The following ANKRD22 variants were observed in gnomAD, a reference collection of about 807,000 sequenced individuals.
The protein encoded by ANKRD22 is ankyrin repeat domain 22, also known as ankyrin repeat domain-containing protein 22.
ANKRD22 carries 24 observed loss-of-function variants against 25.7 expected under a neutral mutation model. The ratio of observed to expected loss-of-function variants is 0.93; its 90% CI spans 0.68 to 1.31. ANKRD22 has a LOEUF of 1.31. ANKRD22 is among the 50% of genes most tolerant of loss of function. The pLI is 0.00. For synonymous variants in ANKRD22, 84 were observed against 84.3 expected, an observed-to-expected ratio of 1.00 and a Z score of 0.02; for missense variants, 214 against 227.1, an observed-to-expected ratio of 0.94 and a Z score of 0.37.
Position 88,820,385 on chromosome 10 carries a change from C to G in ANKRD22, c.*2556G>C, listed in dbSNP as rs775579873. 1 of 1,552,292 alleles carries G rather than the reference C, an allele frequency of 6.4e-7. No individual in the cohort carries two copies. The highest frequency in any genetic ancestry group is 1.2e-5 in the South Asian group (1 of 84,062). ...CCATAAGAATATTCCTGAATGGGCTCACGTGGATTTCATCTGGGGTTTGGA... is the reference window on the plus strand; with the variant it reads ...CCATAAGAATATTCCTGAATGGGCTGACGTGGATTTCATCTGGGGTTTGGA... On this transcript the variant is annotated 3_prime_UTR_variant, in exon 6 of 6. Transcript: ENST00000371930.
chr10:88,845,427 G>A (rs1004666953), intron 1 of ANKRD22, among the ~76,000 whole-genome samples: 8 of 151,874 alleles, frequency 5.3e-5, no homozygotes, highest in East Asian at 1.9e-4. Flanking sequence ...TCTCTTGCCC[G>A]AGCCTCTCCT....
In ANKRD22 at chr10:88,822,991, G is replaced by A. The variant is rs1042891386; in HGVS notation, c.526C>T (p.Arg176Trp). Residue 176 changes from arginine to tryptophan, a missense_variant, in exon 6 of 6, where the codon CGG (arginine) becomes TGG (tryptophan). Physicochemically the swap from Arg to Trp is moderately radical, Grantham distance 101. Transcript: ENST00000371930. ...TCAATCTGGGAAAATTTTAATCTCCGTGCAATATCCAGTGAGCTCTCACCA... is the reference window on the plus strand; with the variant it reads ...TCAATCTGGGAAAATTTTAATCTCCATGCAATATCCAGTGAGCTCTCACCA... Reference protein sequence around the residue: ...KHGESSLDIARRLKFSQIELM... With the variant: ...KHGESSLDIAWRLKFSQIELM... 8 of 1,613,294 alleles carry A rather than the reference G, an allele frequency of 5.0e-6. No homozygotes were observed. Among genetic ancestry groups the A allele is most frequent in the East Asian group, 2.2e-5 (1 of 44,874 alleles).
At position 88,822,901 on chromosome 10, in the gene ANKRD22, G is replaced by A. The variant is rs1036657018; in HGVS notation, c.*40C>T. 2 of 1,555,710 alleles carry A rather than the reference G, an allele frequency of 1.3e-6. No homozygotes were observed. Among genetic ancestry groups the A allele is most frequent in the East Asian group, 2.2e-5 (1 of 44,572 alleles). On this transcript the variant is annotated 3_prime_UTR_variant, in exon 6 of 6. Transcript: ENST00000371930. ...TCTAAAATGAAGATAGAATCCAGTCGTTAACTTTTTCTGTATCTCCATCGG... is the reference window on the plus strand; with the variant it reads ...TCTAAAATGAAGATAGAATCCAGTCATTAACTTTTTCTGTATCTCCATCGG...
chr10:88,845,171 A>G (rs1406422545), intron 1 of ANKRD22, among the ~76,000 whole-genome samples: 6 of 152,124 alleles, frequency 3.9e-5, no homozygotes, highest in Non-Finnish European at 5.9e-5. Flanking sequence ...ATAAAGAAAA[A>G]TGTGTTTCCC....
intron 2 of ANKRD22, among the ~76,000 whole-genome samples, chr10:88,828,987 C>T (rs1175074391): frequency 2.0e-5 from 3 of 152,210 alleles, no homozygotes; most frequent in African/African-American, 7.2e-5. Flanking sequence ...AAACTTAGGA[C>T]TGAATTTACT....
intron 1 of ANKRD22, among the ~76,000 whole-genome samples, chr10:88,835,746 T>C (rs1299894506): frequency 6.6e-6 from 1 of 152,184 alleles, no homozygotes; most frequent in African/African-American, 2.4e-5. Context: ...TATAATTTAA[T>C]GTGAGAGTCG....
intron 4 of ANKRD22, among the ~76,000 whole-genome samples, chr10:88,825,571 C>A (rs1478481298): frequency 6.6e-6 from 1 of 152,246 alleles, no homozygotes; most frequent in Non-Finnish European, 1.5e-5. Flanking sequence ...ACATTCTGAG[C>A]ATGTGCTAAG....
chr10:88,831,810 C>T (rs1301165162), intron 2 of ANKRD22, 25 bp downstream of exon 2: 2 of 1,562,106 alleles, frequency 1.3e-6, no homozygotes, highest in Middle Eastern at 1.7e-4. Context: ...AACAATTACA[C>T]TCTCCATTCA....
intron 4 of ANKRD22, 69 bp from the exon 5 acceptor site, chr10:88,823,447 A>G: frequency 8.9e-7 from 1 of 1,126,322 alleles, no homozygotes; most frequent in Non-Finnish European, 1.4e-6. Context: ...ATGTGGCTTC[A>G]TTGGCAAATC....
At chr10:88,825,965 A>T in intron 4 of ANKRD22, 73 bp downstream of exon 4, 1 of 1,259,772 alleles carries the variant, frequency 7.9e-7, no homozygotes, top group Non-Finnish European at 1.1e-6. Flanking sequence ...AAGCAACTGT[A>T]CAGATGACAA....
rs59890033 is a variant in ANKRD22, at chr10:88,822,566, T to TTTTTTTTTTTTTTTTTTTTTTTTTTA, written c.*374_*375insTAAAAAAAAAAAAAAAAAAAAAAAAA. The TTTTTTTTTTTTTTTTTTTTTTTTTTA allele has an allele frequency of 1.4e-5, 2 of 138,176 alleles. No homozygotes were observed. Among genetic ancestry groups the TTTTTTTTTTTTTTTTTTTTTTTTTTA allele is most frequent in the Admixed American group, 7.5e-5 (1 of 13,338 alleles). The allele number at this position is 138,176 out of a possible 1,614,324, so 8.6% of individuals were successfully genotyped here. A position where few individuals can be genotyped will look rare whatever the true frequency, so the allele number is the denominator to read the frequency against. Reference sequence around the variant, plus strand: ...GGGCTTTTTTTTTTTTTTTTTTTTTTGAGACAGGGTCTCGCTGTGTTGCCC... The same window carrying TTTTTTTTTTTTTTTTTTTTTTTTTTA: ...GGGCTTTTTTTTTTTTTTTTTTTTTTTTTTTTTTTTTTTTTTTTTTTTTTTAGAGACAGGGTCTCGCTGTGTTGCCC... On this transcript the variant is annotated 3_prime_UTR_variant, in exon 6 of 6. Coordinates refer to ENST00000371930, the MANE Select transcript of ANKRD22 (RefSeq NM_144590.3).
intron 1 of ANKRD22, among the ~76,000 whole-genome samples, chr10:88,833,587 A>G (rs905451905): frequency 2.6e-5 from 4 of 152,176 alleles, no homozygotes; most frequent in African/African-American, 9.6e-5. Flanking sequence ...AGGTTCTAAC[A>G]TAGCCAAATA....
chr10:88,836,968 A>G lies in ANKRD22; in HGVS notation c.22-4942T>C, dbSNP rs527815151. On this transcript the variant is annotated intron_variant, in intron 1 of 5. Coordinates refer to ENST00000371930, the MANE Select transcript of ANKRD22 (RefSeq NM_144590.3). ...AGGAAGAATACAGAGGCCTGAGCAC[A>G]TTGTCTATGAAGAATTAGAGGATGC... 3.3e-5 allele frequency among the ~76,000 whole-genome samples: 5 copies of G among 152,326 alleles called. No homozygotes were observed. In the South Asian group the frequency reaches 1.0e-3, roughly 32 times the overall value.
chr10:88,849,961 A>G (rs4934425), intron 1 of ANKRD22, among the ~76,000 whole-genome samples: 49,427 of 151,152 alleles, frequency 0.33, 9,270 homozygotes, highest in East Asian at 0.63. Flanking sequence ...TGATAACCCT[A>G]TGTCCCCAAT....
chr10:88,822,494 G>T lies in ANKRD22; in HGVS notation c.*447C>A, dbSNP rs1345543259. The stretch of plus-strand genomic sequence containing the variant: ...GGGAAGGGAGAACGCTGTTTCAGAA[G>T]ATAACTCAGATCCTCTTCTTCAGGA... On this transcript the variant is annotated 3_prime_UTR_variant, in exon 6 of 6. Transcript: ENST00000371930. The T allele has an allele frequency of 1.4e-5, 2 of 141,864 alleles. No homozygotes were observed. Among genetic ancestry groups the T allele is most frequent in the South Asian group, 4.6e-4 (2 of 4,332 alleles). 8.8% of individuals were successfully genotyped at this position (141,864 alleles called of 1,614,324 possible).
intron 1 of ANKRD22, among the ~76,000 whole-genome samples, chr10:88,837,205 G>A (rs554265487): frequency 4.4e-4 from 67 of 152,294 alleles, no homozygotes; most frequent in African/African-American, 1.5e-3. Context: ...ATTTGGACAA[G>A]TTACCTAGAC....
rs1843781460 is a variant in ANKRD22, at chr10:88,820,608, C to T, written c.*2333G>A. On this transcript the variant is annotated 3_prime_UTR_variant, in exon 6 of 6. Transcript: ENST00000371930. ...GACCTAGTATACATTTTTCAGATTC[C>T]CTGCACTTGGCACTAAATCCGACAC... is the stretch of plus-strand genomic sequence containing the variant. 4 of 1,127,866 alleles carry T rather than the reference C, an allele frequency of 3.5e-6. No individual in the cohort carries two copies. The highest frequency in any genetic ancestry group is 3.7e-6 in the Non-Finnish European group (3 of 819,292). The allele number at this position is 1,127,866 out of a possible 1,614,324, so 69.9% of individuals were successfully genotyped here.
chr10:88,839,978 G>A (rs777122622), intron 1 of ANKRD22, among the ~76,000 whole-genome samples: 12 of 152,166 alleles, frequency 7.9e-5, no homozygotes, highest in Admixed American at 5.2e-4. Flanking sequence ...CTGATGCACA[G>A]TGAGGGTTGA....
chr10:88,848,082 CA>C (rs563004434), intron 1 of ANKRD22, among the ~76,000 whole-genome samples: 150 of 151,242 alleles, frequency 9.9e-4, no homozygotes, highest in African/African-American at 3.3e-3. Context: ...TGTTTGTGCT[CA>C]AAAATTTGGA....
Sources: gnomAD v4.1 joint callset for allele counts (sites outside exome capture counted in the v4.1 genomes callset) on GRCh38, gnomAD v4.1.1 for gene constraint, MANE v1.5 for transcripts, NCBI Gene and HGNC (gene_info 2026-07-23, HGNC 2026-07-21) for gene names.